The following PIBF1 variants were observed in gnomAD, a reference collection of about 807,000 sequenced individuals.
The protein encoded by PIBF1 is progesterone immunomodulatory binding factor 1, also known as progesterone-induced-blocking factor 1.
A neutral mutation model predicts 112.5 loss-of-function variants in PIBF1; 90 were observed. That is an observed-to-expected ratio of 0.80 (90% CI 0.67 to 0.95). The LOEUF (loss-of-function observed/expected upper bound fraction) is 0.95. PIBF1 is among the 40% of genes least tolerant of loss of function. PIBF1 has a pLI of 0.00. For synonymous variants in PIBF1, 301 were observed against 288.6 expected, an observed-to-expected ratio of 1.04 and a Z score of -0.44; for missense variants, 915 against 852.3, an observed-to-expected ratio of 1.07 and a Z score of -0.92.
intron 9 of PIBF1, among the ~76,000 whole-genome samples, chr13:72,841,651 G>GT (rs1179792730): frequency 2.6e-5 from 4 of 152,096 alleles, no homozygotes; most frequent in Non-Finnish European, 5.9e-5. Flanking sequence ...GCACAGGCCT[G>GT]TAGTCCTATT....
intron 10 of PIBF1, among the ~76,000 whole-genome samples, chr13:72,893,519 T>G (rs529573877): frequency 3.3e-5 from 5 of 152,120 alleles, no homozygotes; most frequent in African/African-American, 1.2e-4. Flanking sequence ...GCTCTTGCCA[T>G]TTACAAAATG....
chr13:72,974,492 C>T (rs1250111453), intron 16 of PIBF1, among the ~76,000 whole-genome samples: 1 of 152,120 alleles, frequency 6.6e-6, no homozygotes. Flanking sequence ...TTCTCAGTTA[C>T]AATAATACAT....
At chr13:72,782,477 G>A (rs1448647521) in intron 1 of PIBF1, 128 bp downstream of exon 1, 2 of 152,174 alleles carry the variant, frequency 1.3e-5, no homozygotes, top group African/African-American at 4.8e-5. Context: ...TGTAATCGAG[G>A]AGAGAATTTG....
intron 10 of PIBF1, among the ~76,000 whole-genome samples, chr13:72,854,807 A>G (rs1259829764): frequency 6.7e-6 from 1 of 149,680 alleles, no homozygotes; most frequent in Non-Finnish European, 1.5e-5. Flanking sequence ...CTACCATTGT[A>G]TACTCCCTAG....
Position 72,949,300 on chromosome 13 carries a change from C to CTTTTTTTTTTTTTTT in PIBF1, c.1834-15955_1834-15941dup, listed in dbSNP as rs71099771. ...AACTACTACCTAGACAAATAGCTGT[C>CTTTTTTTTTTTTTTT]TTTTTTTTTTTTTTTTTTTTTTTTT... is the stretch of plus-strand genomic sequence containing the variant. On this transcript the variant is annotated intron_variant, in intron 14 of 17. Transcript: ENST00000326291. Among the ~76,000 whole-genome samples, 44 of 54,980 alleles carry CTTTTTTTTTTTTTTT rather than the reference C, an allele frequency of 8.0e-4. 13 individuals carry two copies. The highest frequency in any genetic ancestry group is 1.3e-3 in the Non-Finnish European group (40 of 31,598). The allele number at this position is 54,980 out of a possible 152,430, so 36.1% of individuals were successfully genotyped here. A position where few individuals can be genotyped will look rare whatever the true frequency, so the allele number is the denominator to read the frequency against.
intron 5 of PIBF1, among the ~76,000 whole-genome samples, chr13:72,803,136 C>T (rs930797035): frequency 6.6e-6 from 1 of 151,736 alleles, no homozygotes; most frequent in Admixed American, 6.6e-5. Context: ...ATAAACTGGA[C>T]ATAGAGTATA....
At chr13:72,991,555 A>G (rs1344819350) in intron 16 of PIBF1, among the ~76,000 whole-genome samples, 1 of 152,118 alleles carries the variant, frequency 6.6e-6, no homozygotes, top group Non-Finnish European at 1.5e-5. Flanking sequence ...GTATAAAAGC[A>G]TATCAGATTT....
intron 16 of PIBF1, among the ~76,000 whole-genome samples, chr13:72,992,781 G>A (rs1185784558): frequency 6.6e-6 from 1 of 151,998 alleles, no homozygotes; most frequent in African/African-American, 2.4e-5. Flanking sequence ...CTCCAGCCTG[G>A]GTGATAGAGC....
At chr13:72,806,781 G>A (rs997433070) in intron 5 of PIBF1, among the ~76,000 whole-genome samples, 4 of 152,100 alleles carry the variant, frequency 2.6e-5, no homozygotes, top group African/African-American at 9.7e-5. Flanking sequence ...GGGCATTTGG[G>A]TTGGTTCCAA....
chr13:72,942,281 A>AG (rs2042034164), intron 14 of PIBF1, among the ~76,000 whole-genome samples: 1 of 151,860 alleles, frequency 6.6e-6, no homozygotes, highest in East Asian at 1.9e-4. Flanking sequence ...AAAAAAAAAA[A>AG]AACCCACTGT....
intron 10 of PIBF1, among the ~76,000 whole-genome samples, chr13:72,887,123 C>A (rs2039889870): frequency 6.6e-6 from 1 of 150,558 alleles, no homozygotes; most frequent in Non-Finnish European, 1.5e-5. Flanking sequence ...AATTGCTCCC[C>A]TAATTTTCAT....
chr13:72,862,663 A>G (rs1198495910), intron 10 of PIBF1, among the ~76,000 whole-genome samples: 1 of 152,228 alleles, frequency 6.6e-6, no homozygotes, highest in Non-Finnish European at 1.5e-5. Flanking sequence ...GTTATTTGAA[A>G]TATATGAAAT....
intron 12 of PIBF1, 98 bp downstream of exon 12, chr13:72,908,779 TG>T (rs1408433799): frequency 2.4e-5 from 26 of 1,104,704 alleles, no homozygotes; most frequent in Non-Finnish European, 2.8e-5. Flanking sequence ...TCAGGCACGG[TG>T]GCTCATGCCT....
At chr13:72,922,041 A>C (rs545580975) in intron 13 of PIBF1, among the ~76,000 whole-genome samples, 1 of 152,312 alleles carries the variant, frequency 6.6e-6, no homozygotes, top group East Asian at 1.9e-4. Flanking sequence ...ATGCAGTGGC[A>C]CCATCATAGT....
At chr13:72,852,531 A>G (rs1174817634) in intron 9 of PIBF1, among the ~76,000 whole-genome samples, 2 of 152,170 alleles carry the variant, frequency 1.3e-5, no homozygotes, top group African/African-American at 2.4e-5. Context: ...TGAGCCGAGT[A>G]CAGCCTGTGA....
rs3077726 is a variant in PIBF1, at chr13:72,818,678, CTTTTTTTTTTT to C, written c.673-3159_673-3149del. On this transcript the variant is annotated intron_variant, in intron 5 of 17. Transcript: ENST00000326291. ...TTGCCACCATGTTATCAGTCTTAAACTTTTTTTTTTTTTTTTTTTTTTGCCAGTATCATCTA... is the reference window on the plus strand; with the variant it reads ...TTGCCACCATGTTATCAGTCTTAAACTTTTTTTTTTTGCCAGTATCATCTA... 2.6e-3 allele frequency among the ~76,000 whole-genome samples: 209 copies of C among 80,412 alleles called. 2 individuals are homozygous for C. The highest frequency in any genetic ancestry group is 0.01 in the African/African-American group (204 of 19,812). 52.8% of individuals were successfully genotyped at this position (80,412 alleles called of 152,430 possible).
chr13:72,917,153 C>T lies in PIBF1; in HGVS notation c.1717C>T (p.Arg573Ter), dbSNP rs779069789. The T allele has an allele frequency of 1.2e-5, 19 of 1,576,948 alleles. No individual in the cohort carries two copies. The highest frequency in any genetic ancestry group is 4.1e-5 in the African/African-American group (3 of 73,546). The change falls in exon 13 of 18, where the codon CGA becomes TGA. Residue 573 changes from arginine to a stop codon, truncating the protein, a stop_gained. Transcript: ENST00000326291. LOFTEE classifies it high-confidence loss of function. ...TAATGTTCCCACAACAGCCAAAAGACGACTAAAGCAAAGGTAAAATCAATA... is the reference window on the plus strand; with the variant it reads ...TAATGTTCCCACAACAGCCAAAAGATGACTAAAGCAAAGGTAAAATCAATA... The part of the protein sequence containing the change: ...GANVPTTAKR[R>*]LKQSVHLARR...
chr13:72,917,971 T>G (rs890309331), intron 13 of PIBF1, among the ~76,000 whole-genome samples: 1 of 152,216 alleles, frequency 6.6e-6, no homozygotes, highest in African/African-American at 2.4e-5. Flanking sequence ...GAATGTACAC[T>G]GGAACCATGC....
chr13:72,883,212 A>G (rs1389210078), intron 10 of PIBF1, among the ~76,000 whole-genome samples: 2 of 152,180 alleles, frequency 1.3e-5, no homozygotes, highest in Non-Finnish European at 2.9e-5. Context: ...AGGTCATTAT[A>G]TTAAGTAAAA....
Sources: allele counts gnomAD v4.1 joint callset (sites outside exome capture counted in the v4.1 genomes callset), GRCh38; gene constraint gnomAD v4.1.1; transcripts MANE v1.5; gene names NCBI Gene and HGNC (gene_info 2026-07-23, HGNC 2026-07-21).